TAFA2: variants seen among roughly 807,000 people sequenced by gnomAD.
The protein encoded by TAFA2 is TAFA chemokine like family member 2, also known as chemokine-like protein TAFA-2.
In TAFA2, 7 loss-of-function variants were observed where a neutral mutation model predicts 18.8. The ratio of observed to expected loss-of-function variants is 0.37; its 90% confidence interval spans 0.21 to 0.70. The LOEUF (loss-of-function observed/expected upper bound fraction) is 0.70. Among genes scored for constraint, TAFA2 ranks in the 30% least tolerant of loss-of-function variants. The probability of loss-of-function intolerance (pLI) is 0.53; values close to 1 mark genes in which losing one functional copy is unlikely to be tolerated. For synonymous variants in TAFA2, 60 were observed against 54.2 expected, an observed-to-expected ratio of 1.11 and a Z score of -0.47; for missense variants, 122 against 158.1, an observed-to-expected ratio of 0.77 and a Z score of 1.23.
At chr12:61,776,172 C>A in intron 2 of TAFA2, 1 of 313,468 alleles carries the variant, frequency 3.2e-6, no homozygotes, top group Non-Finnish European at 6.2e-6. Flanking sequence ...GGGCATGATT[C>A]TTGCCAAAAG....
At chr12:61,902,091 TAAAA>T (rs750989820) in intron 1 of TAFA2, among the ~76,000 whole-genome samples, 15 of 116,436 alleles carry the variant, frequency 1.3e-4, no homozygotes, top group African/African-American at 3.9e-4. Flanking sequence ...GCAGGAATGT[TAAAA>T]AAAAAAAAAA....
rs1000783832 is a variant in TAFA2, at chr12:61,709,443, T to A, written c.*963A>T. Reference sequence around the variant, plus strand: ...TTTAAAATGAGATAGGACAGTTTTTTAAAAAATACTGGAAGAAATCTAAGT... The same window carrying A: ...TTTAAAATGAGATAGGACAGTTTTTAAAAAAATACTGGAAGAAATCTAAGT... On this transcript the variant is annotated 3_prime_UTR_variant, in exon 5 of 5. Coordinates refer to ENST00000416284, the MANE Select transcript of TAFA2 (RefSeq NM_178539.5). 3 of 152,094 alleles carry A rather than the reference T, an allele frequency of 2.0e-5. No individual in the cohort carries two copies. Among genetic ancestry groups the A allele is most frequent in the Non-Finnish European group, 4.4e-5 (3 of 67,984 alleles). 9.4% of individuals were successfully genotyped at this position (152,094 alleles called of 1,614,324 possible).
chr12:62,225,244 T>C (rs1003347760), intron 1 of TAFA2, among the ~76,000 whole-genome samples: 1 of 152,102 alleles, frequency 6.6e-6, no homozygotes, highest in Non-Finnish European at 1.5e-5. Context: ...ATAATGAGAA[T>C]TTAGTTGCTT....
chr12:61,968,723 T>A (rs943971415), intron 1 of TAFA2, among the ~76,000 whole-genome samples: 1 of 151,786 alleles, frequency 6.6e-6, no homozygotes, highest in African/African-American at 2.4e-5. Flanking sequence ...GCTATTCAAT[T>A]GAGTTGATAT....
At chr12:62,007,815 C>T (rs912868226) in intron 1 of TAFA2, among the ~76,000 whole-genome samples, 3 of 152,228 alleles carry the variant, frequency 2.0e-5, no homozygotes, top group Non-Finnish European at 1.5e-5. Flanking sequence ...TCACCTCAAA[C>T]ATTTATCATT....
At chr12:62,055,088 TG>T (rs1435096732) in intron 1 of TAFA2, among the ~76,000 whole-genome samples, 1 of 152,136 alleles carries the variant, frequency 6.6e-6, no homozygotes, top group Non-Finnish European at 1.5e-5. Context: ...TCCTCATAGA[TG>T]GGATCAATGC....
At chr12:62,045,459 C>G (rs1172124697) in intron 1 of TAFA2, among the ~76,000 whole-genome samples, 1 of 152,130 alleles carries the variant, frequency 6.6e-6, no homozygotes, top group African/African-American at 2.4e-5. Context: ...ACGTAGTGAC[C>G]TCCCTGGGGG....
intron 1 of TAFA2, among the ~76,000 whole-genome samples, chr12:62,244,953 A>G (rs1592417871): frequency 6.6e-6 from 1 of 152,184 alleles, no homozygotes; most frequent in South Asian, 2.1e-4. Context: ...ACTCACTTCA[A>G]ATATCTTCTG....
At chr12:62,043,255 C>G (rs1029700991) in intron 1 of TAFA2, among the ~76,000 whole-genome samples, 2 of 152,136 alleles carry the variant, frequency 1.3e-5, no homozygotes, top group Non-Finnish European at 2.9e-5. Flanking sequence ...AAATGTGGCA[C>G]ATATACACCA....
chr12:62,134,422 A>G (rs1870814151), intron 1 of TAFA2, among the ~76,000 whole-genome samples: 1 of 152,022 alleles, frequency 6.6e-6, no homozygotes, highest in African/African-American at 2.4e-5. Context: ...CCATGTGAGG[A>G]CACAGCATGA....
chr12:62,013,436 C>A (rs2136716956), intron 1 of TAFA2, among the ~76,000 whole-genome samples: 1 of 152,212 alleles, frequency 6.6e-6, no homozygotes, highest in East Asian at 1.9e-4. Flanking sequence ...AGAAGACTTC[C>A]CACTGCTAAT....
chr12:61,994,698 T>C (rs952583990), intron 1 of TAFA2, among the ~76,000 whole-genome samples: 3 of 152,176 alleles, frequency 2.0e-5, no homozygotes, highest in Non-Finnish European at 4.4e-5. Context: ...TCCTCATTTT[T>C]TTATATTCTA....
At chr12:61,882,480 T>C (rs552532779) in intron 1 of TAFA2, among the ~76,000 whole-genome samples, 37 of 152,272 alleles carry the variant, frequency 2.4e-4, no homozygotes, top group South Asian at 1.0e-3. Flanking sequence ...AAATAGCTTA[T>C]GGTTCACATA....
rs534895339 is a variant in TAFA2, at chr12:61,787,181, A to C, written c.107-32157T>G. Among the ~76,000 whole-genome samples, 294 of 151,578 alleles carry C rather than the reference A, an allele frequency of 1.9e-3. 3 individuals are homozygous for C. Among genetic ancestry groups the C allele is most frequent in the African/African-American group, 6.5e-3 (269 of 41,446 alleles). ...CATTTAAAATACTGAAAGAAAAAAA[A>C]AACCTGTTAGCCAAGAATATTATAC... is the stretch of plus-strand genomic sequence containing the variant. On this transcript the variant is annotated intron_variant, in intron 2 of 4. Coordinates refer to ENST00000416284, the MANE Select transcript of TAFA2 (RefSeq NM_178539.5).
At chr12:61,847,108 T>C (rs780415329) in intron 2 of TAFA2, among the ~76,000 whole-genome samples, 1 of 152,172 alleles carries the variant, frequency 6.6e-6, no homozygotes, top group Non-Finnish European at 1.5e-5. Flanking sequence ...CTGACACATA[T>C]TTACTCACTT....
At chr12:61,882,612 A>G (rs1875195616) in intron 1 of TAFA2, among the ~76,000 whole-genome samples, 1 of 152,124 alleles carries the variant, frequency 6.6e-6, no homozygotes, top group Non-Finnish European at 1.5e-5. Context: ...GATCAGTACC[A>G]TTGCTTCTTT....
chr12:62,078,554 G>A (rs77411408), intron 1 of TAFA2, among the ~76,000 whole-genome samples: 3,636 of 152,086 alleles, frequency 0.024, 149 homozygotes, highest in African/African-American at 0.082. Context: ...AGATTTAACA[G>A]GCCAATGAGA....
Position 61,945,255 on chromosome 12 carries a change from AC to A in TAFA2, c.-1-77830del, listed in dbSNP as rs1191068318. On this transcript the variant is annotated intron_variant, in intron 1 of 4. Coordinates refer to ENST00000416284, the MANE Select transcript of TAFA2 (RefSeq NM_178539.5). ...AAAAAGCCTTTGACAAAATTCAACA[AC>A]CCTTCATGCTAAAAACTCTCAATAA... Among the ~76,000 whole-genome samples the A allele has an allele frequency of 9.9e-5, 12 of 121,790 alleles. No individual in the cohort carries two copies. In the East Asian group the frequency reaches 1.2e-3, roughly 12 times the overall value. The allele number at this position is 121,790 out of a possible 152,430, so 79.9% of individuals were successfully genotyped here.
intron 1 of TAFA2, among the ~76,000 whole-genome samples, chr12:61,962,855 C>A (rs1878936550): frequency 6.6e-6 from 1 of 151,850 alleles, no homozygotes; most frequent in South Asian, 2.1e-4. Flanking sequence ...ACCCATCAAC[C>A]CATCATCTAC....
Sources: allele counts gnomAD v4.1 joint callset (sites outside exome capture counted in the v4.1 genomes callset), GRCh38; gene constraint gnomAD v4.1.1; transcripts MANE v1.5; gene names NCBI Gene and HGNC (gene_info 2026-07-23, HGNC 2026-07-21).